RBBP5: variants seen among roughly 807,000 people sequenced by gnomAD.
RBBP5 encodes the protein RB binding protein 5, histone lysine methyltransferase complex subunit.
A neutral mutation model predicts 72.2 loss-of-function variants in RBBP5; 5 were observed. That is an observed-to-expected ratio of 0.07 (90% CI 0.04 to 0.15). The LOEUF (loss-of-function observed/expected upper bound fraction) is 0.15, where lower values mean the gene tolerates loss of function less well. RBBP5 is among the 10% of genes least tolerant of loss of function. The probability of loss-of-function intolerance (pLI) is 1.00; values close to 1 mark genes in which losing one functional copy is unlikely to be tolerated. For missense variants in RBBP5, 322 were observed against 652.2 expected, an observed-to-expected ratio of 0.49 and a Z score of 5.51; for synonymous variants, 209 against 237.2, an observed-to-expected ratio of 0.88 and a Z score of 1.09.
intron 12 of RBBP5, among the ~76,000 whole-genome samples, chr1:205,095,706 GTTTACAGAACCTC>G (rs1483562885): frequency 6.6e-6 from 1 of 152,178 alleles, no homozygotes; most frequent in Non-Finnish European, 1.5e-5. Context: ...CTTTAGGCAA[GTTTACAGAACCTC>G]TTACACATAA....
At chr1:205,109,410 T>C (rs1434648226) in intron 3 of RBBP5, among the ~76,000 whole-genome samples, 1 of 152,006 alleles carries the variant, frequency 6.6e-6, no homozygotes, top group African/African-American at 2.4e-5. Flanking sequence ...CCCCCAAAAA[T>C]AGAAGTCTAC....
In RBBP5 at chr1:205,116,846, G is replaced by C. The variant is rs78343510; in HGVS notation, c.20-963C>G. Among the ~76,000 whole-genome samples the C allele has an allele frequency of 1.1e-3, 162 of 152,206 alleles. 1 individual carries two copies. The highest frequency in any genetic ancestry group is 3.8e-3 in the African/African-American group (156 of 41,544). On this transcript the variant is annotated intron_variant, in intron 1 of 13. Coordinates refer to ENST00000264515, the MANE Select transcript of RBBP5 (RefSeq NM_005057.4). ...AAAGAAAAAGAGCAAGGAAAGGCAA[G>C]AGTCAATTCATATCAGTCAAATTAT... is the stretch of plus-strand genomic sequence containing the variant.
chr1:205,104,996 C>T, intron 4 of RBBP5, 32 bp downstream of exon 4: 1 of 1,608,212 alleles, frequency 6.2e-7, no homozygotes, highest in Non-Finnish European at 8.5e-7. Flanking sequence ...AGAATTAGAC[C>T]CCACCCCAGG....
intron 13 of RBBP5, chr1:205,091,900 G>C (rs1051296709): frequency 6.6e-6 from 1 of 152,162 alleles, no homozygotes; most frequent in African/African-American, 2.4e-5. Flanking sequence ...TTAATACCTG[G>C]TGGAAAATCT....
intron 11 of RBBP5, 66 bp downstream of exon 11, chr1:205,097,260 C>CA: frequency 7.0e-7 from 1 of 1,438,218 alleles, no homozygotes; most frequent in Non-Finnish European, 9.6e-7. Context: ...AGGGAAACTG[C>CA]AGAGTACTCC....
chr1:205,098,625 C>T (rs1217282401), intron 10 of RBBP5, among the ~76,000 whole-genome samples: 2 of 151,988 alleles, frequency 1.3e-5, no homozygotes, highest in Non-Finnish European at 2.9e-5. Context: ...GGGTGGATCA[C>T]CTGAGGTCAG....
At chr1:205,093,696 C>G (rs1655503652) in intron 13 of RBBP5, among the ~76,000 whole-genome samples, 1 of 150,618 alleles carries the variant, frequency 6.6e-6, no homozygotes, top group Admixed American at 6.6e-5. Context: ...TGGTGTTGGG[C>G]TATCAAAAAC....
At chr1:205,096,571 G>T in intron 12 of RBBP5, 111 bp downstream of exon 12, 2 of 961,004 alleles carry the variant, frequency 2.1e-6, no homozygotes, top group Non-Finnish European at 3.2e-6. Flanking sequence ...ACAGACTCAT[G>T]GGAAAATTCC....
In RBBP5 at chr1:205,088,667, C is replaced by T. The variant is rs1190695766; in HGVS notation, c.*120G>A. On this transcript the variant is annotated 3_prime_UTR_variant, in exon 14 of 14. Coordinates refer to ENST00000264515, the MANE Select transcript of RBBP5 (RefSeq NM_005057.4). Reference sequence around the variant, plus strand: ...TTAAACATAAAATTCACCCTCCCACCTCCTGGGTGGGAGGCACAGGCCTTT... The same window carrying T: ...TTAAACATAAAATTCACCCTCCCACTTCCTGGGTGGGAGGCACAGGCCTTT... 3.9e-6 allele frequency: 4 copies of T among 1,013,120 alleles called. No individual in the cohort carries two copies. Among genetic ancestry groups the T allele is most frequent in the Non-Finnish European group, 5.9e-6 (4 of 682,034 alleles). The allele number at this position is 1,013,120 out of a possible 1,614,324, so 62.8% of individuals were successfully genotyped here.
chr1:205,120,576 G>A (rs191186524), intron 1 of RBBP5, among the ~76,000 whole-genome samples: 32 of 152,294 alleles, frequency 2.1e-4, no homozygotes, highest in Admixed American at 1.9e-3. Context: ...GGGGCCAGGA[G>A]TTTGAGACCA....
At chr1:205,100,314 T>A (rs963352538) in intron 6 of RBBP5, 43 bp from the exon 7 acceptor site, 8 of 1,605,760 alleles carry the variant, frequency 5.0e-6, no homozygotes, top group African/African-American at 1.3e-5. Context: ...GTCAGAAATC[T>A]GTTCCTTAGT....
At chr1:205,117,018 GTTTT>G (rs201260616) in intron 1 of RBBP5, among the ~76,000 whole-genome samples, 13 of 150,856 alleles carry the variant, frequency 8.6e-5, no homozygotes, top group African/African-American at 1.7e-4. Context: ...GTTTTTTTGG[GTTTT>G]TTTTTGTTTT....
At chr1:205,107,746 G>A (rs1574707828) in intron 3 of RBBP5, among the ~76,000 whole-genome samples, 1 of 151,994 alleles carries the variant, frequency 6.6e-6, no homozygotes, top group South Asian at 2.1e-4. Context: ...GGCAGTTGGA[G>A]ACCAGCCTGG....
Position 205,121,847 on chromosome 1 carries a change from C to T in RBBP5, c.19+8G>A, listed in dbSNP as rs927067189. On this transcript the variant is annotated splice_region_variant and intron_variant, in intron 1 of 13. Coordinates refer to ENST00000264515, the MANE Select transcript of RBBP5 (RefSeq NM_005057.4). Reference sequence around the variant, plus strand: ...GCTTCTCTAAAACGCAGCCACAGCCCTTCTCACCCAGCAACTCGAGGTTCA... The same window carrying T: ...GCTTCTCTAAAACGCAGCCACAGCCTTTCTCACCCAGCAACTCGAGGTTCA... 3 of 1,612,360 alleles carry T rather than the reference C, an allele frequency of 1.9e-6. No homozygotes were observed. The highest frequency in any genetic ancestry group is 2.5e-6 in the Non-Finnish European group (3 of 1,180,010).
chr1:205,093,168 T>C (rs190579520), intron 13 of RBBP5, among the ~76,000 whole-genome samples: 8 of 151,828 alleles, frequency 5.3e-5, no homozygotes, highest in Non-Finnish European at 7.4e-5. Context: ...CTTTACAATA[T>C]ATACAAACAT....
chr1:205,089,171 A>G (rs1271031264), intron 13 of RBBP5, among the ~76,000 whole-genome samples: 3 of 152,232 alleles, frequency 2.0e-5, no homozygotes, highest in African/African-American at 7.2e-5. Flanking sequence ...AAGAAATTTT[A>G]GGGTACCACA....
At position 205,088,638 on chromosome 1, in the gene RBBP5, T is replaced by G; in HGVS notation, c.*149A>C. On this transcript the variant is annotated 3_prime_UTR_variant, in exon 14 of 14. Coordinates refer to ENST00000264515, the MANE Select transcript of RBBP5 (RefSeq NM_005057.4). The stretch of plus-strand genomic sequence containing the variant: ...TACTCTTCTTCCATAATTCACTTCT[T>G]CATTTAAACATAAAATTCACCCTCC... 1 of 715,748 alleles carries G rather than the reference T, an allele frequency of 1.4e-6. No homozygotes were observed. The allele number at this position is 715,748 out of a possible 1,614,324, so 44.3% of individuals were successfully genotyped here.
chr1:205,095,109 C>T, intron 12 of RBBP5, 45 bp from the exon 13 acceptor site: 1 of 1,568,300 alleles, frequency 6.4e-7, no homozygotes, highest in East Asian at 2.2e-5. Flanking sequence ...TGACACCAGT[C>T]TCATCACCCC....
chr1:205,090,799 T>G (rs1655314765), intron 13 of RBBP5, among the ~76,000 whole-genome samples: 1 of 150,776 alleles, frequency 6.6e-6, no homozygotes, highest in South Asian at 2.1e-4. Flanking sequence ...TCCCACAGAG[T>G]GAGAAAGACT....
Sources: allele counts gnomAD v4.1 joint callset (sites outside exome capture counted in the v4.1 genomes callset), GRCh38; gene constraint gnomAD v4.1.1; transcripts MANE v1.5; gene names NCBI Gene and HGNC (gene_info 2026-07-23, HGNC 2026-07-21).